Variants in TRPM8 observed in about 807,000 individuals in gnomAD.
The protein encoded by TRPM8 is TRPM8 cationic channel.
TRPM8 carries 110 observed loss-of-function variants against 133.7 expected under a neutral mutation model. The observed-to-expected ratio is 0.82, with a 90% CI of 0.70 to 0.96. TRPM8 has a LOEUF of 0.96. TRPM8 is among the 40% of genes least tolerant of loss of function. The pLI is 0.00. For missense variants in TRPM8, 1,291 were observed against 1,379.5 expected (o/e 0.94, Z 1.02); for synonymous variants, 535 against 532.3 (o/e 1.01, Z -0.07).
chr2:233,937,403 C>T lies in TRPM8; in HGVS notation c.242C>T (p.Thr81Ile), dbSNP rs199594552. Residue 81 changes from threonine to isoleucine, a missense_variant, in exon 4 of 26, where the codon ACC becomes ATC. By Grantham distance (89) the Thr-to-Ile change is moderately conservative. This residue lies in a region of TRPM8 where 963 missense variants were observed against 968.9 expected (regional missense o/e 0.99). Coordinates refer to ENST00000324695, the MANE Select transcript of TRPM8 (RefSeq NM_024080.5). ...GYAQSQHMEG[T>I]QINQSEKWNY... ...GCCCAGAGCCAGCACATGGAAGGCACCCAGATCAACCAAAGTGAGAAATGG... is the reference window on the plus strand; with the variant it reads ...GCCCAGAGCCAGCACATGGAAGGCATCCAGATCAACCAAAGTGAGAAATGG... 1.3e-5 allele frequency: 21 copies of T among 1,614,030 alleles called. No homozygotes were observed. Among genetic ancestry groups the T allele is most frequent in the Middle Eastern group, 3.3e-4 (2 of 6,084 alleles).
chr2:233,992,099 A>G (rs1391057672), intron 21 of TRPM8, among the ~76,000 whole-genome samples: 1 of 152,162 alleles, frequency 6.6e-6, no homozygotes, highest in African/African-American at 2.4e-5. Flanking sequence ...TAGGGGGAAA[A>G]AAGTAAGGTA....
At chr2:233,920,301 AG>A (rs1335727938) in intron 1 of TRPM8, among the ~76,000 whole-genome samples, 1 of 152,158 alleles carries the variant, frequency 6.6e-6, no homozygotes, top group African/African-American at 2.4e-5. Context: ...ATTTTTACTG[AG>A]GTTATCTCTA....
At chr2:233,983,467 T>C in intron 20 of TRPM8, 2 of 502,508 alleles carry the variant, frequency 4.0e-6, no homozygotes, top group South Asian at 2.1e-5. Flanking sequence ...GTGATTCTGG[T>C]ATTTTCAATT....
intron 20 of TRPM8, among the ~76,000 whole-genome samples, chr2:233,984,371 C>T (rs1192752989): frequency 6.6e-6 from 1 of 152,144 alleles, no homozygotes; most frequent in Admixed American, 6.5e-5. Flanking sequence ...CACCTTGGCA[C>T]ATCCTAATAA....
intron 3 of TRPM8, among the ~76,000 whole-genome samples, chr2:233,936,718 C>T (rs1433492798): frequency 1.3e-5 from 2 of 152,194 alleles, no homozygotes; most frequent in Non-Finnish European, 2.9e-5. Context: ...GTTTGAGAAG[C>T]TGAATAAAGT....
chr2:233,923,548 G>A (rs1034783293), intron 1 of TRPM8, among the ~76,000 whole-genome samples: 1 of 152,116 alleles, frequency 6.6e-6, no homozygotes, highest in Non-Finnish European at 1.5e-5. Context: ...AGGTTACCAC[G>A]CAGGGCTCCA....
At chr2:233,946,954 C>A in intron 7 of TRPM8, 134 bp from the exon 8 acceptor site, 1 of 717,736 alleles carries the variant, frequency 1.4e-6, no homozygotes, top group Non-Finnish European at 2.4e-6. Context: ...GGATAATGTT[C>A]AAGTCCGTGA....
At chr2:234,000,150 G>T (rs1692518695) in intron 22 of TRPM8, among the ~76,000 whole-genome samples, 1 of 149,504 alleles carries the variant, frequency 6.7e-6, no homozygotes, top group Non-Finnish European at 1.5e-5. Flanking sequence ...TCTCTGTGTT[G>T]CCCAGGCTGG....
In TRPM8 at chr2:233,963,284, C is replaced by T. The variant is rs777806907; in HGVS notation, c.1656C>T (p.Asp552=). ...GACCACATGCTCTAACCCCCCAGGA[C>T]GTGTCTCCTATTACTCGGCACCCCC... The part of the protein sequence containing the change: ...GRDEMDIELH[D]VSPITRHPLQ... The change falls in exon 13 of 26, where the codon GAC becomes GAT. Residue 552 remains aspartate, a splice_region_variant and synonymous_variant. Transcript: ENST00000324695. The T allele has an allele frequency of 5.0e-6, 8 of 1,609,468 alleles. No individual in the cohort carries two copies. The highest frequency in any genetic ancestry group is 2.7e-5 in the African/African-American group (2 of 74,818).
intron 1 of TRPM8, among the ~76,000 whole-genome samples, chr2:233,925,856 C>T (rs917254413): frequency 6.6e-6 from 1 of 151,884 alleles, no homozygotes; most frequent in African/African-American, 2.4e-5. Flanking sequence ...GGAGAGGGGC[C>T]TCCTGAAGTA....
At chr2:233,953,453 GA>G (rs545911252) in intron 9 of TRPM8, among the ~76,000 whole-genome samples, 10 of 152,268 alleles carry the variant, frequency 6.6e-5, no homozygotes, top group African/African-American at 2.2e-4. Flanking sequence ...AATAACAAAG[GA>G]CAATATAGAA....
Position 234,006,797 on chromosome 2 carries a change from A to G in TRPM8, c.3131-56A>G, listed in dbSNP as rs1692704328. ...AAAATGCCTTAGAAGATCTTAATTTAGGAAGCAAGGGGCAAATGAAACAAT... is the reference window on the plus strand; with the variant it reads ...AAAATGCCTTAGAAGATCTTAATTTGGGAAGCAAGGGGCAAATGAAACAAT... On this transcript the variant is annotated intron_variant, in intron 22 of 25. Coordinates refer to ENST00000324695, the MANE Select transcript of TRPM8 (RefSeq NM_024080.5). The G allele has an allele frequency of 3.7e-6, 5 of 1,334,568 alleles. No individual in the cohort carries two copies. In the East Asian group the frequency reaches 1.2e-4, roughly 33 times the overall value. The allele number at this position is 1,334,568 out of a possible 1,614,324, so 82.7% of individuals were successfully genotyped here.
intron 7 of TRPM8, chr2:233,946,395 T>C (rs937969448): frequency 2.3e-5 from 4 of 173,690 alleles, no homozygotes; most frequent in Non-Finnish European, 3.7e-5. Context: ...ATAGAAAAGA[T>C]AAAAACCAAC....
At chr2:233,954,750 A>G (rs554901375) in intron 10 of TRPM8, among the ~76,000 whole-genome samples, 1 of 152,362 alleles carries the variant, frequency 6.6e-6, no homozygotes, top group East Asian at 1.9e-4. Context: ...GCTCTGGAAA[A>G]GACAAGAATG....
At chr2:233,924,721 A>G (rs1184034809) in intron 1 of TRPM8, among the ~76,000 whole-genome samples, 1 of 152,222 alleles carries the variant, frequency 6.6e-6, no homozygotes, top group African/African-American at 2.4e-5. Flanking sequence ...GAAGGCAAAA[A>G]TACCCCTTTT....
chr2:233,974,283 G>T (rs770591846), intron 17 of TRPM8, among the ~76,000 whole-genome samples: 4 of 152,066 alleles, frequency 2.6e-5, no homozygotes, highest in South Asian at 4.2e-4. Flanking sequence ...GCCCGGGCTG[G>T]AGTGCAATGG....
intron 20 of TRPM8, among the ~76,000 whole-genome samples, chr2:233,983,685 A>C (rs1342825644): frequency 6.6e-6 from 1 of 152,206 alleles, no homozygotes; most frequent in African/African-American, 2.4e-5. Context: ...ATGGTGGCAC[A>C]GATGGTTTTA....
intron 22 of TRPM8, among the ~76,000 whole-genome samples, chr2:234,002,442 G>A (rs1328059657): frequency 6.6e-6 from 1 of 152,144 alleles, no homozygotes; most frequent in Admixed American, 6.5e-5. Flanking sequence ...GCAAGAAATG[G>A]TGACATGAAC....
At chr2:233,981,342 A>T (rs1489575156) in intron 18 of TRPM8, among the ~76,000 whole-genome samples, 2 of 152,186 alleles carry the variant, frequency 1.3e-5, no homozygotes, top group African/African-American at 2.4e-5. Flanking sequence ...AGGTGGTTAG[A>T]TAATCAAATG....
Sources: allele counts gnomAD v4.1 joint callset (sites outside exome capture counted in the v4.1 genomes callset), GRCh38; gene constraint gnomAD v4.1.1; regional missense constraint gnomAD v4.1.1; transcripts MANE v1.5; gene names NCBI Gene and HGNC (gene_info 2026-07-23, HGNC 2026-07-21).